Variants in ATP12A observed in about 807,000 individuals in gnomAD.
ATP12A encodes the protein ATPase H+/K+ transporting non-gastric alpha2 subunit.
Under a neutral mutation model 111.2 loss-of-function variants are expected in ATP12A, and 81 were observed. The ratio of observed to expected loss-of-function variants is 0.73; its 90% confidence interval spans 0.61 to 0.88. The LOEUF (loss-of-function observed/expected upper bound fraction) is 0.88. ATP12A is among the 40% of genes least tolerant of loss of function. ATP12A has a pLI of 0.00. For synonymous variants in ATP12A, 498 were observed against 499.8 expected (o/e 1.00, Z 0.05); for missense variants, 1,196 against 1,313.1 (o/e 0.91, Z 1.38).
Position 24,692,442 on chromosome 13 carries a change from T to G in ATP12A, c.1082T>G (p.Leu361Arg), listed in dbSNP as rs1194199427. The change falls in exon 9 of 23, where the codon CTG (leucine) becomes CGG (arginine). Residue 361 changes from leucine (L) to arginine (R), a missense_variant. Coordinates refer to ENST00000381946, the MANE Select transcript of ATP12A (RefSeq NM_001676.7). Reference sequence around the variant, plus strand: ...CTCTCCTGCTAGGTGACCCTGTCGCTGACAGCAAAACGGATGGCCAAGAAG... The same window carrying G: ...CTCTCCTGCTAGGTGACCCTGTCGCGGACAGCAAAACGGATGGCCAAGAAG... ...LLATVTVTLS[L>R]TAKRMAKKNC... The G allele has an allele frequency of 6.2e-6, 10 of 1,613,724 alleles. No homozygotes were observed. The highest frequency in any genetic ancestry group is 8.5e-6 in the Non-Finnish European group (10 of 1,180,046).
chr13:24,681,963 TGTGGTGTATGGTGTGTG>T (rs1874459146), intron 2 of ATP12A, among the ~76,000 whole-genome samples: 2 of 127,876 alleles, frequency 1.6e-5, no homozygotes, highest in Admixed American at 7.5e-5. Context: ...ATGTGTGGTG[TGTGGTGTATGGTGTGTG>T]GTGTGTGTGT....
intron 8 of ATP12A, among the ~76,000 whole-genome samples, chr13:24,691,690 G>C (rs895377136): frequency 6.6e-6 from 1 of 151,924 alleles, no homozygotes; most frequent in African/African-American, 2.4e-5. Context: ...CCCTTTCCTG[G>C]CCAACCCCAG....
At chr13:24,708,946 A>AAAGAAAGAAAGGAAGGAAGGAAGG (rs1555255697) in intron 17 of ATP12A, among the ~76,000 whole-genome samples, 43 of 100,332 alleles carry the variant, frequency 4.3e-4, no homozygotes, top group Non-Finnish European at 7.9e-4. Flanking sequence ...AGAAAGAAAG[A>AAAGAAAGAAAGGAAGGAAGGAAGG]AAGAAAGAAA....
intron 12 of ATP12A, among the ~76,000 whole-genome samples, chr13:24,699,856 TCCTCA>T (rs1270627277): frequency 6.6e-6 from 1 of 152,114 alleles, no homozygotes; most frequent in African/African-American, 2.4e-5. Flanking sequence ...ACCATGGAAG[TCCTCA>T]CCAATACAGA....
At chr13:24,691,377 C>A in intron 8 of ATP12A, 127 bp downstream of exon 8, 1 of 1,188,328 alleles carries the variant, frequency 8.4e-7, no homozygotes, top group Non-Finnish European at 1.2e-6. Context: ...CCAGCGACAA[C>A]CCTGGAACAT....
intron 2 of ATP12A, among the ~76,000 whole-genome samples, chr13:24,684,672 C>T (rs1245620938): frequency 1.3e-5 from 2 of 152,256 alleles, no homozygotes; most frequent in Non-Finnish European, 2.9e-5. Context: ...AAGAATTATT[C>T]TCCCAGAATG....
In ATP12A at chr13:24,680,749, C is replaced by G; in HGVS notation, c.6C>G (p.His2Gln). 1.3e-6 allele frequency: 2 copies of G among 1,500,986 alleles called. No individual in the cohort carries two copies. The highest frequency in any genetic ancestry group is 1.8e-6 in the Non-Finnish European group (2 of 1,132,396). The allele number at this position is 1,500,986 out of a possible 1,614,324, so 93.0% of individuals were successfully genotyped here. Residue 2 changes from histidine (H) to glutamine (Q), a missense_variant, in exon 1 of 23, where the codon CAC becomes CAG. By Grantham distance (24) the His-to-Gln change is conservative. Around this residue, in one of 3 missense-constraint regions of ATP12A, gnomAD observed 67 missense variants for 64.0 expected, o/e 1.05. Transcript: ENST00000381946. ...CGCGGCGCCACCAGCCCAGCATGCA[C>G]CAGGTGCGTGCAGCCCCCGCGCCGG... M[H>Q]QKTPEIYSVE...
At position 24,707,496 on chromosome 13, in the gene ATP12A, G is replaced by T; in HGVS notation, c.2493+63G>T. The T allele has an allele frequency of 4.4e-6, 7 of 1,599,608 alleles. No individual in the cohort carries two copies. The South Asian group carries it at 5.6e-5, about 13-fold the overall frequency. On this transcript the variant is annotated intron_variant, in intron 17 of 22. Coordinates refer to ENST00000381946, the MANE Select transcript of ATP12A (RefSeq NM_001676.7). ...CCCAGGGGAGGTCAAGTTCAGGGTC[G>T]CTACCTTCAAGGGCCGGGGATGGAC...
Position 24,698,835 on chromosome 13 carries a change from G to A in ATP12A, c.1690G>A (p.Gly564Ser). ...HTAYMELGGLGERVLGFCHLY... is the reference protein window; with the variant it reads ...HTAYMELGGLSERVLGFCHLY... ...AGCCTACATGGAGCTGGGCGGGTTGGGCGAGCGTGTGCTGGGTGAGTGCGG... is the reference window on the plus strand; with the variant it reads ...AGCCTACATGGAGCTGGGCGGGTTGAGCGAGCGTGTGCTGGGTGAGTGCGG... The change falls in exon 12 of 23, where the codon GGC (glycine) becomes AGC (serine). Residue 564 changes from glycine (G) to serine (S), a missense_variant. By Grantham distance (56) the Gly-to-Ser change is moderately conservative. Transcript: ENST00000381946. 6.2e-7 allele frequency: 1 copy of A among 1,613,916 alleles called. No homozygotes were observed. The highest frequency in any genetic ancestry group is 8.5e-7 in the Non-Finnish European group (1 of 1,179,998).
Position 24,707,080 on chromosome 13 carries a change from G to T in ATP12A, c.2227G>T (p.Ala743Ser), listed in dbSNP as rs781058012. The change falls in exon 16 of 23, where the codon GCA becomes TCA. Residue 743 changes from alanine (A) to serine (S), a missense_variant. This residue lies in a region of ATP12A where 1,126 missense variants were observed against 1,228.5 expected (regional missense o/e 0.92). Transcript: ENST00000381946. ...GVNDSPALKKADIGIAMGIAG... is the reference protein window; with the variant it reads ...GVNDSPALKKSDIGIAMGIAG... ...TAATGACTCTCCGGCTCTAAAGAAGGCAGACATTGGGATTGCCATGGGGAT... is the reference window on the plus strand; with the variant it reads ...TAATGACTCTCCGGCTCTAAAGAAGTCAGACATTGGGATTGCCATGGGGAT... The T allele has an allele frequency of 2.3e-5, 37 of 1,613,932 alleles. No homozygotes were observed. Among genetic ancestry groups the T allele is most frequent in the Non-Finnish European group, 5.1e-6 (6 of 1,179,994 alleles).
At chr13:24,702,111 C>T (rs750265644) in intron 14 of ATP12A, 40 bp downstream of exon 14, 1 of 1,612,616 alleles carries the variant, frequency 6.2e-7, no homozygotes, top group South Asian at 1.1e-5. Context: ...CCAGTTTATA[C>T]CCATGGGGCC....
At position 24,711,761 on chromosome 13, in the gene ATP12A, C is replaced by T. The variant is rs1313891091; in HGVS notation, c.*239C>T. On this transcript the variant is annotated 3_prime_UTR_variant, in exon 23 of 23. Coordinates refer to ENST00000381946, the MANE Select transcript of ATP12A (RefSeq NM_001676.7). ...CCATCTCCTCATTAAAAAATACGTA[C>T]ATTTCGAGGTAATGGTATAGGGAAG... The T allele has an allele frequency of 5.1e-6, 3 of 586,522 alleles. No homozygotes were observed. In the African/African-American group the frequency reaches 5.6e-5, roughly 11 times the overall value. 36.3% of individuals were successfully genotyped at this position (586,522 alleles called of 1,614,324 possible). A position where few individuals can be genotyped will look rare whatever the true frequency, so the allele number is the denominator to read the frequency against.
chr13:24,684,754 A>G (rs1221564733), intron 2 of ATP12A, among the ~76,000 whole-genome samples: 2 of 152,256 alleles, frequency 1.3e-5, no homozygotes, highest in East Asian at 3.8e-4. Flanking sequence ...AGTGGCAGCC[A>G]CAATGCTGTG....
At chr13:24,686,074 G>A (rs1218026792) in intron 3 of ATP12A, among the ~76,000 whole-genome samples, 1 of 152,184 alleles carries the variant, frequency 6.6e-6, no homozygotes, top group Non-Finnish European at 1.5e-5. Flanking sequence ...TTTAAAGTGA[G>A]AAATGGAAGG....
intron 2 of ATP12A, among the ~76,000 whole-genome samples, chr13:24,683,886 G>A (rs1446759084): frequency 1.3e-5 from 2 of 152,154 alleles, no homozygotes; most frequent in Admixed American, 6.5e-5. Context: ...ATTTTCAGCA[G>A]CATATTGAAT....
chr13:24,709,565 AGT>A (rs1875870696), intron 18 of ATP12A, 78 bp downstream of exon 18: 3 of 1,580,544 alleles, frequency 1.9e-6, no homozygotes, highest in Non-Finnish European at 2.6e-6. Context: ...ACAGCCAGAA[AGT>A]GTGGTTTTCC....
chr13:24,710,144 C>A (rs1360508644), intron 19 of ATP12A, among the ~76,000 whole-genome samples: 2 of 152,182 alleles, frequency 1.3e-5, no homozygotes, highest in African/African-American at 2.4e-5. Flanking sequence ...GTGGCTAATG[C>A]CTATAATCCC....
At position 24,696,653 on chromosome 13, in the gene ATP12A, A is replaced by G. The variant is rs1014552188; in HGVS notation, c.1513-2005A>G. On this transcript the variant is annotated intron_variant, in intron 11 of 22. Transcript: ENST00000381946. ...CGTGAACCCGGGAAGCGGAGCTTGCAGTGAGCCGAGATTGCGCCACTGCAG... is the reference window on the plus strand; with the variant it reads ...CGTGAACCCGGGAAGCGGAGCTTGCGGTGAGCCGAGATTGCGCCACTGCAG... Among the ~76,000 whole-genome samples the G allele has an allele frequency of 7.2e-4, 84 of 116,886 alleles. 9 individuals are homozygous for G. Among genetic ancestry groups the G allele is most frequent in the African/African-American group, 2.4e-3 (81 of 33,146 alleles). 76.7% of individuals were successfully genotyped at this position (116,886 alleles called of 152,430 possible).
At chr13:24,680,805 C>A (rs1443414125) in intron 1 of ATP12A, 53 bp downstream of exon 1, 13 of 1,459,252 alleles carry the variant, frequency 8.9e-6, no homozygotes, top group Non-Finnish European at 1.2e-5. Context: ...GCCAAGGCCC[C>A]GGGGACCGGA....
Sources: gnomAD v4.1 joint callset for allele counts (sites outside exome capture counted in the v4.1 genomes callset) on GRCh38, gnomAD v4.1.1 for gene constraint, gnomAD v4.1.1 regional missense constraint, MANE v1.5 for transcripts, NCBI Gene and HGNC (gene_info 2026-07-23, HGNC 2026-07-21) for gene names.